MDFIC2: variants seen among roughly 807,000 people sequenced by gnomAD.
The protein encoded by MDFIC2 is myoD family inhibitor domain-containing protein 2.
chr3:70,236,438 T>C (rs1701609773), intron 2 of MDFIC2, among the ~76,000 whole-genome samples: 1 of 152,194 alleles, frequency 6.6e-6, no homozygotes, highest in South Asian at 2.1e-4. Context: ...ATTTGTTTAT[T>C]AGCCTTAAGA....
intron 2 of MDFIC2, chr3:70,302,545 A>T (rs1329215501): frequency 6.6e-6 from 1 of 152,182 alleles, no homozygotes; most frequent in East Asian, 1.9e-4. Flanking sequence ...GAATGATTCT[A>T]CTGAAAATCT....
intron 2 of MDFIC2, among the ~76,000 whole-genome samples, chr3:70,267,394 C>CTTTTTT (rs9310185): frequency 1.3e-5 from 1 of 74,844 alleles, no homozygotes; most frequent in Non-Finnish European, 2.3e-5. Flanking sequence ...TTTTTAATAG[C>CTTTTTT]TTTTTTTTTT....
At chr3:70,294,901 G>C (rs28483404) in intron 2 of MDFIC2, among the ~76,000 whole-genome samples, 15,584 of 151,972 alleles carry the variant, frequency 0.1, 1,052 homozygotes, top group East Asian at 0.37. Flanking sequence ...CATCTTAAAG[G>C]AGCCAATGAT....
chr3:70,256,464 T>G (rs2106657066), intron 2 of MDFIC2, among the ~76,000 whole-genome samples: 1 of 152,376 alleles, frequency 6.6e-6, no homozygotes, highest in Middle Eastern at 3.4e-3. Flanking sequence ...GGAGGTATAT[T>G]AACTCTTTGA....
intron 2 of MDFIC2, among the ~76,000 whole-genome samples, chr3:70,306,990 TATAG>T (rs1416221118): frequency 3.3e-5 from 5 of 152,058 alleles, no homozygotes; most frequent in Non-Finnish European, 7.4e-5. Flanking sequence ...TATTTATATA[TATAG>T]AGAGAGAGAC....
intron 2 of MDFIC2, among the ~76,000 whole-genome samples, chr3:70,213,253 A>G (rs1701368043): frequency 6.6e-6 from 1 of 151,930 alleles, no homozygotes; most frequent in African/African-American, 2.4e-5. Context: ...TTTTATTCTC[A>G]TTTAACCTAC....
intron 2 of MDFIC2, among the ~76,000 whole-genome samples, chr3:70,252,377 T>C (rs1231548801): frequency 6.6e-6 from 1 of 152,204 alleles, no homozygotes; most frequent in African/African-American, 2.4e-5. Flanking sequence ...TGTATGACTT[T>C]TTTAGACAAT....
At chr3:70,215,988 G>T (rs1428834356) in intron 2 of MDFIC2, among the ~76,000 whole-genome samples, 1 of 151,808 alleles carries the variant, frequency 6.6e-6, no homozygotes, top group Non-Finnish European at 1.5e-5. Flanking sequence ...TGATTTGAAT[G>T]CAACATTTGC....
chr3:70,300,289 A>T (rs1401304229), intron 2 of MDFIC2, among the ~76,000 whole-genome samples: 1 of 152,118 alleles, frequency 6.6e-6, no homozygotes, highest in Non-Finnish European at 1.5e-5. Flanking sequence ...CTTTATTTAA[A>T]TCTATTGATT....
intron 2 of MDFIC2, among the ~76,000 whole-genome samples, chr3:70,210,322 C>A (rs1701331047): frequency 6.6e-6 from 1 of 152,002 alleles, no homozygotes; most frequent in Admixed American, 6.6e-5. Context: ...AATTCTATAT[C>A]TCTGTTTATA....
intron 2 of MDFIC2, among the ~76,000 whole-genome samples, chr3:70,258,462 A>C (rs1701837638): frequency 6.6e-6 from 1 of 152,182 alleles, no homozygotes; most frequent in African/African-American, 2.4e-5. Flanking sequence ...ACATTGTTAC[A>C]ACCTCTGGGT....
chr3:70,287,990 T>C (rs914480010), intron 2 of MDFIC2, among the ~76,000 whole-genome samples: 5 of 152,300 alleles, frequency 3.3e-5, no homozygotes, highest in African/African-American at 1.2e-4. Context: ...TCTCTTTTGT[T>C]GATCCTTTCA....
chr3:70,218,338 T>C (rs929473169), intron 2 of MDFIC2, among the ~76,000 whole-genome samples: 2 of 152,174 alleles, frequency 1.3e-5, no homozygotes, highest in African/African-American at 4.8e-5. Flanking sequence ...TGGATGTATA[T>C]AGATGCATAT....
chr3:70,226,110 C>G (rs114960714), intron 2 of MDFIC2, among the ~76,000 whole-genome samples: 2,774 of 152,232 alleles, frequency 0.018, 92 homozygotes, highest in African/African-American at 0.062. Context: ...TCAGAAAACA[C>G]ATACAACATC....
At position 70,196,911 on chromosome 3, in the gene MDFIC2, G is replaced by T. The variant is rs1053151464; in HGVS notation, c.*15C>A. 97 of 398,462 alleles carry T rather than the reference G, an allele frequency of 2.4e-4. No homozygotes were observed. The highest frequency in any genetic ancestry group is 4.0e-4 in the Non-Finnish European group (90 of 225,980). 24.7% of individuals were successfully genotyped at this position (398,462 alleles called of 1,614,324 possible). A position where few individuals can be genotyped will look rare whatever the true frequency, so the allele number is the denominator to read the frequency against. On this transcript the variant is annotated 3_prime_UTR_variant, in exon 4 of 4. Coordinates refer to ENST00000567252, the MANE Select transcript of MDFIC2 (RefSeq NM_001364677.1). ...GTGGCCAAAAGGACTGCCGGAATGTGGTTACTTCACTGTGCTAGCGGTAAC... is the reference window on the plus strand; with the variant it reads ...GTGGCCAAAAGGACTGCCGGAATGTTGTTACTTCACTGTGCTAGCGGTAAC...
chr3:70,213,156 T>C (rs1701366921), intron 2 of MDFIC2, among the ~76,000 whole-genome samples: 1 of 151,944 alleles, frequency 6.6e-6, no homozygotes, highest in South Asian at 2.1e-4. Context: ...TTTTTCTTTA[T>C]AGAGACAGGT....
intron 2 of MDFIC2, among the ~76,000 whole-genome samples, chr3:70,274,090 T>TGTGC (rs770689062): frequency 6.9e-6 from 1 of 144,972 alleles, no homozygotes; most frequent in Non-Finnish European, 1.5e-5. Context: ...TGTGTGTGTG[T>TGTGC]GCGCGCGCGC....
chr3:70,305,379 TAA>T (rs961187441), intron 2 of MDFIC2, among the ~76,000 whole-genome samples: 4 of 152,188 alleles, frequency 2.6e-5, no homozygotes, highest in African/African-American at 4.8e-5. Context: ...GTTTACATAG[TAA>T]AAAGAGTCTC....
intron 2 of MDFIC2, among the ~76,000 whole-genome samples, chr3:70,218,659 C>T (rs377027744): frequency 2.0e-5 from 3 of 152,002 alleles, no homozygotes; most frequent in Non-Finnish European, 4.4e-5. Flanking sequence ...CACCTCCCAG[C>T]AGAACTATTC....
Sources: gnomAD v4.1 joint callset for allele counts (sites outside exome capture counted in the v4.1 genomes callset) on GRCh38, gnomAD v4.1.1 for gene constraint, MANE v1.5 for transcripts, NCBI Gene and HGNC (gene_info 2026-07-23, HGNC 2026-07-21) for gene names.